Variants in PIGN observed in about 807,000 individuals in gnomAD.
The protein encoded by PIGN is GPI ethanolamine phosphate transferase 1.
Under a neutral mutation model 125.4 loss-of-function variants are expected in PIGN, and 117 were observed. The ratio of observed to expected loss-of-function variants is 0.93; its 90% CI spans 0.80 to 1.09. The LOEUF (loss-of-function observed/expected upper bound fraction) is 1.09, where lower values mean the gene tolerates loss of function less well. Ranked by LOEUF, PIGN falls within the 50% of genes least tolerant of loss-of-function variation. The pLI, the probability that PIGN is intolerant of heterozygous loss-of-function variation, is 0.00. For synonymous variants in PIGN, 392 were observed against 377.8 expected, an observed-to-expected ratio of 1.04 and a Z score of -0.44; for missense variants, 1,075 against 1,094.9, an observed-to-expected ratio of 0.98 and a Z score of 0.26.
chr18:62,093,146 G>T (rs1220187324), intron 23 of PIGN, among the ~76,000 whole-genome samples: 1 of 151,978 alleles, frequency 6.6e-6, no homozygotes, highest in Non-Finnish European at 1.5e-5. Flanking sequence ...TGAACAAAAG[G>T]CAACCGTCAT....
intron 15 of PIGN, among the ~76,000 whole-genome samples, chr18:62,113,927 T>G (rs2034983438): frequency 6.6e-6 from 1 of 152,202 alleles, no homozygotes; most frequent in East Asian, 1.9e-4. Context: ...CATGAATCAT[T>G]AGACTTTTAA....
At chr18:62,165,948 G>A (rs1163180986) in intron 1 of PIGN, among the ~76,000 whole-genome samples, 1 of 152,172 alleles carries the variant, frequency 6.6e-6, no homozygotes, top group African/African-American at 2.4e-5. Context: ...AACTCTTTGG[G>A]AGAATACTAA....
At chr18:62,086,554 T>C (rs1195623376) in intron 25 of PIGN, among the ~76,000 whole-genome samples, 1 of 151,156 alleles carries the variant, frequency 6.6e-6, no homozygotes, top group Non-Finnish European at 1.5e-5. Flanking sequence ...CAAGTGGAGG[T>C]TGCAGTGAGC....
intron 30 of PIGN, among the ~76,000 whole-genome samples, chr18:62,049,522 T>G (rs7506067): frequency 6.6e-6 from 1 of 151,218 alleles, no homozygotes; most frequent in Admixed American, 6.6e-5. Context: ...TGTCTGTCCA[T>G]GTCCTTCGCC....
chr18:62,050,566 G>C (rs1325979410), intron 30 of PIGN, among the ~76,000 whole-genome samples: 3 of 151,044 alleles, frequency 2.0e-5, no homozygotes, highest in Admixed American at 1.3e-4. Context: ...CTGAGACTTT[G>C]CTGAAGTTGC....
At chr18:62,024,317 A>G (rs1374378583) in intron 23 of PIGN, among the ~76,000 whole-genome samples, 1 of 152,174 alleles carries the variant, frequency 6.6e-6, no homozygotes, top group Non-Finnish European at 1.5e-5. Context: ...CTCAGTTTCC[A>G]TAGCTGCTGG....
At chr18:62,148,375 T>C in intron 7 of PIGN, 37 bp from the exon 8 acceptor site, 1 of 1,319,902 alleles carries the variant, frequency 7.6e-7, no homozygotes. Flanking sequence ...ATTTAGTTCA[T>C]TTGTTTTATT....
At chr18:62,057,785 C>T (rs982176006) in intron 30 of PIGN, among the ~76,000 whole-genome samples, 1 of 152,220 alleles carries the variant, frequency 6.6e-6, no homozygotes, top group African/African-American at 2.4e-5. Context: ...ATTCTAGCTA[C>T]ACTAACTGTA....
chr18:62,183,051 T>C (rs1325978743), intron 1 of PIGN, among the ~76,000 whole-genome samples: 1 of 152,224 alleles, frequency 6.6e-6, no homozygotes, highest in Non-Finnish European at 1.5e-5. Flanking sequence ...CTCTAGTTAA[T>C]GATGATATAT....
intron 10 of PIGN, among the ~76,000 whole-genome samples, chr18:62,144,252 A>G (rs1357110615): frequency 6.6e-6 from 1 of 152,208 alleles, no homozygotes; most frequent in Non-Finnish European, 1.5e-5. Flanking sequence ...CATACTATTT[A>G]CCCTACTTTC....
intron 30 of PIGN, chr18:62,070,361 C>G (rs536266959): frequency 2.5e-6 from 1 of 398,404 alleles, no homozygotes; most frequent in East Asian, 3.6e-5. Flanking sequence ...AAAACCAAAT[C>G]AATTTTCTAT....
At chr18:62,119,404 A>G (rs1292337510) in intron 14 of PIGN, among the ~76,000 whole-genome samples, 2 of 152,244 alleles carry the variant, frequency 1.3e-5, no homozygotes, top group African/African-American at 4.8e-5. Flanking sequence ...AAGTTGTAAC[A>G]AAGAACAGAA....
At chr18:62,108,137 AC>A (rs2146465319) in intron 17 of PIGN, among the ~76,000 whole-genome samples, 1 of 152,330 alleles carries the variant, frequency 6.6e-6, no homozygotes, top group African/African-American at 2.4e-5. Context: ...AAAAGCTAAC[AC>A]CAGTCAAAAG....
At chr18:62,086,847 G>A (rs2033730237) in intron 25 of PIGN, among the ~76,000 whole-genome samples, 1 of 151,796 alleles carries the variant, frequency 6.6e-6, no homozygotes, top group Non-Finnish European at 1.5e-5. Context: ...TAGAGTGAAG[G>A]GAGCCACAGG....
intron 1 of PIGN, among the ~76,000 whole-genome samples, chr18:62,170,589 T>C (rs1843077899): frequency 6.6e-6 from 1 of 152,176 alleles, no homozygotes; most frequent in Admixed American, 6.5e-5. Context: ...GGCCTTGCTA[T>C]TCCAAAACAC....
downstream of PIGN, chr18:62,041,119 T>C (rs937264981): frequency 2.0e-5 from 3 of 152,220 alleles, no homozygotes; most frequent in Non-Finnish European, 2.9e-5. Flanking sequence ...TATAAAAATT[T>C]AACTACTAAT....
chr18:62,131,381 T>C (rs2035731720), intron 14 of PIGN, among the ~76,000 whole-genome samples: 1 of 152,202 alleles, frequency 6.6e-6, no homozygotes, highest in African/African-American at 2.4e-5. Context: ...GTGGCATTTT[T>C]TCTTTTAAAT....
At chr18:62,120,625 T>C (rs759655274) in intron 14 of PIGN, among the ~76,000 whole-genome samples, 18 of 152,102 alleles carry the variant, frequency 1.2e-4, no homozygotes, top group Non-Finnish European at 2.2e-4. Context: ...TAATTTACAT[T>C]AATTTAATTT....
chr18:62,029,274 C>T, intron 23 of PIGN, among the ~76,000 whole-genome samples: 1 of 152,088 alleles, frequency 6.6e-6, no homozygotes, highest in East Asian at 1.9e-4. Context: ...TTGGATCTTC[C>T]CCCTCTCTCT....
Sources: allele counts gnomAD v4.1 joint callset (sites outside exome capture counted in the v4.1 genomes callset), GRCh38; gene constraint gnomAD v4.1.1; transcripts MANE v1.5; gene names NCBI Gene and HGNC (gene_info 2026-07-23, HGNC 2026-07-21).